UBE2V2: variants seen among roughly 807,000 people sequenced by gnomAD.
UBE2V2 encodes the protein ubiquitin-conjugating enzyme E2 variant 2.
In UBE2V2, 9 loss-of-function variants were observed where a neutral mutation model predicts 17.2. The observed-to-expected ratio is 0.52, with a 90% CI of 0.32 to 0.91. The LOEUF (loss-of-function observed/expected upper bound fraction) is 0.91. UBE2V2 is among the 40% of genes least tolerant of loss of function. The probability of loss-of-function intolerance (pLI) is 0.04; values close to 1 mark genes in which losing one functional copy is unlikely to be tolerated. For synonymous variants in UBE2V2, 61 were observed against 57.5 expected, an observed-to-expected ratio of 1.06 and a Z score of -0.28; for missense variants, 133 against 182.6, an observed-to-expected ratio of 0.73 and a Z score of 1.56.
At chr8:48,043,232 G>A (rs1589862003) in intron 2 of UBE2V2, 51 bp downstream of exon 2, 1 of 1,300,974 alleles carries the variant, frequency 7.7e-7, no homozygotes, top group Non-Finnish European at 1.0e-6. Context: ...GTTAAAGTTA[G>A]CATTTAATTT....
rs923699768 is a variant in UBE2V2, at chr8:48,038,760, C to T, written c.17-4273C>T. Among the ~76,000 whole-genome samples the T allele has an allele frequency of 2.6e-5, 4 of 151,930 alleles. No homozygotes were observed. The East Asian group carries it at 7.7e-4, about 29-fold the overall frequency. Reference sequence around the variant, plus strand: ...CCTCTCAAAGTGCTGGGATTACAGGCGTGAGCTACCATGTCCAGCCACCCA... The same window carrying T: ...CCTCTCAAAGTGCTGGGATTACAGGTGTGAGCTACCATGTCCAGCCACCCA... On this transcript the variant is annotated intron_variant, in intron 1 of 3. Coordinates refer to ENST00000523111, the MANE Select transcript of UBE2V2 (RefSeq NM_003350.3).
At chr8:48,017,193 T>G (rs9792194) in intron 1 of UBE2V2, among the ~76,000 whole-genome samples, 3,463 of 152,196 alleles carry the variant, frequency 0.023, 103 homozygotes, top group East Asian at 0.084. Flanking sequence ...TGTTGAGAAT[T>G]TTTTTCATAT....
At chr8:48,004,086 C>CT (rs902087952), upstream of UBE2V2, among the ~76,000 whole-genome samples, 3 of 152,192 alleles carry the variant, frequency 2.0e-5, no homozygotes, top group South Asian at 2.1e-4. Flanking sequence ...GATGACAAGA[C>CT]TTTTTTTCTG....
chr8:48,052,157 T>A (rs192039623), intron 3 of UBE2V2, among the ~76,000 whole-genome samples: 12 of 152,216 alleles, frequency 7.9e-5, no homozygotes, highest in African/African-American at 2.4e-4. Context: ...TGCACACTTA[T>A]CTATTTTTAA....
chr8:48,059,293 C>T (rs1200984473), intron 3 of UBE2V2, among the ~76,000 whole-genome samples: 3 of 151,968 alleles, frequency 2.0e-5, no homozygotes, highest in Non-Finnish European at 2.9e-5. Flanking sequence ...ATGGCCTTCT[C>T]AGCTCTTTCA....
At chr8:48,018,255 T>A (rs552627181) in intron 1 of UBE2V2, among the ~76,000 whole-genome samples, 6 of 152,224 alleles carry the variant, frequency 3.9e-5, no homozygotes, top group Non-Finnish European at 7.3e-5. Flanking sequence ...AAACTGTTCC[T>A]GTTTGCAGAA....
rs2091474646 is a variant in UBE2V2, at chr8:48,043,022, C to T, written c.17-11C>T. 1 of 1,497,840 alleles carries T rather than the reference C, an allele frequency of 6.7e-7. No individual in the cohort carries two copies. The highest frequency in any genetic ancestry group is 8.9e-7 in the Non-Finnish European group (1 of 1,118,346). The allele number at this position is 1,497,840 out of a possible 1,614,324, so 92.8% of individuals were successfully genotyped here. The stretch of plus-strand genomic sequence containing the variant: ...AGCTTTTTACATTTACACTGACGTT[C>T]TTTTGTATAGGAGTTAAAGTTCCTC... On this transcript the variant is annotated splice_polypyrimidine_tract_variant and intron_variant, in intron 1 of 3. Transcript: ENST00000523111.
At chr8:48,032,385 T>C (rs916524605) in intron 1 of UBE2V2, among the ~76,000 whole-genome samples, 10 of 152,294 alleles carry the variant, frequency 6.6e-5, no homozygotes, top group African/African-American at 2.4e-4. Flanking sequence ...ATTATATAAA[T>C]ATAGTTTTTA....
At chr8:48,009,817 C>G (rs1057077760) in intron 1 of UBE2V2, among the ~76,000 whole-genome samples, 1 of 152,030 alleles carries the variant, frequency 6.6e-6, no homozygotes, top group African/African-American at 2.4e-5. Context: ...TTTAGCAGTT[C>G]TAGTGTTGGG....
the UBE2V2 span, among the ~76,000 whole-genome samples, chr8:47,999,167 G>A: frequency 3.9e-5 from 6 of 152,086 alleles, no homozygotes; most frequent in African/African-American, 9.7e-5. Flanking sequence ...GGAAGGGTGG[G>A]TGGCACAGAG....
At position 48,059,861 on chromosome 8, in the gene UBE2V2, T is replaced by C. The variant is rs544804372; in HGVS notation, c.292-821T>C. On this transcript the variant is annotated intron_variant, in intron 3 of 3. Coordinates refer to ENST00000523111, the MANE Select transcript of UBE2V2 (RefSeq NM_003350.3). ...GACAGGTCAAATGCTGACAGTTAAC[T>C]GGGAATGGGCTTGCAAGGAGCTCCA... Among the ~76,000 whole-genome samples the C allele has an allele frequency of 2.6e-5, 4 of 152,280 alleles. No individual in the cohort carries two copies. The South Asian group carries it at 8.3e-4, about 32-fold the overall frequency.
chr8:48,057,251 T>G (rs1232907585), intron 3 of UBE2V2, among the ~76,000 whole-genome samples: 1 of 152,186 alleles, frequency 6.6e-6, no homozygotes, highest in Non-Finnish European at 1.5e-5. Flanking sequence ...GTATATTTAT[T>G]TAGCTCTTTA....
chr8:48,009,244 G>A (rs2091210198), intron 1 of UBE2V2, among the ~76,000 whole-genome samples: 1 of 150,970 alleles, frequency 6.6e-6, no homozygotes, highest in African/African-American at 2.4e-5. Flanking sequence ...TAACCCGTGT[G>A]ATCTGCCTTT....
chr8:48,000,282 A>G, the UBE2V2 span, among the ~76,000 whole-genome samples: 4 of 152,202 alleles, frequency 2.6e-5, no homozygotes, highest in South Asian at 2.1e-4. Context: ...ATCACTTATC[A>G]TGACATGTGT....
At chr8:48,030,839 C>G (rs1396344416) in intron 1 of UBE2V2, among the ~76,000 whole-genome samples, 1 of 151,868 alleles carries the variant, frequency 6.6e-6, no homozygotes, top group Admixed American at 6.6e-5. Flanking sequence ...TTGGCCAACA[C>G]GGTGAAACCC....
At chr8:48,051,887 C>A (rs552938676) in intron 3 of UBE2V2, among the ~76,000 whole-genome samples, 6 of 152,156 alleles carry the variant, frequency 3.9e-5, no homozygotes, top group Non-Finnish European at 7.3e-5. Context: ...AACACCCCCC[C>A]ACCCCTGTGC....
chr8:48,046,850 C>T (rs774154387), intron 2 of UBE2V2, among the ~76,000 whole-genome samples: 74 of 151,984 alleles, frequency 4.9e-4, no homozygotes, highest in South Asian at 8.3e-4. Flanking sequence ...GCCCACCTGC[C>T]GTGGCCTCCC....
the UBE2V2 span, among the ~76,000 whole-genome samples, chr8:48,003,005 A>G: frequency 6.6e-6 from 1 of 152,060 alleles, no homozygotes; most frequent in Non-Finnish European, 1.5e-5. Context: ...AGGTCAAGAG[A>G]TTGAGACCAT....
intron 2 of UBE2V2, among the ~76,000 whole-genome samples, chr8:48,044,751 C>T (rs750937750): frequency 6.6e-6 from 1 of 152,084 alleles, no homozygotes; most frequent in East Asian, 1.9e-4. Context: ...TTAAAAAAAG[C>T]GCTTATAATT....
Sources: gnomAD v4.1 joint callset for allele counts (sites outside exome capture counted in the v4.1 genomes callset) on GRCh38, gnomAD v4.1.1 for gene constraint, MANE v1.5 for transcripts, NCBI Gene and HGNC (gene_info 2026-07-23, HGNC 2026-07-21) for gene names.